Variants in RIMBP2 observed in about 807,000 individuals in gnomAD.
RIMBP2 encodes the protein RIMS binding protein 2.
A neutral mutation model predicts 118.6 loss-of-function variants in RIMBP2; 48 were observed. The ratio of observed to expected loss-of-function variants is 0.40; its 90% confidence interval spans 0.32 to 0.51. The LOEUF is 0.51. RIMBP2 is among the 20% of genes least tolerant of loss of function. The probability of loss-of-function intolerance (pLI) is 0.41; values close to 1 mark genes in which losing one functional copy is unlikely to be tolerated. For missense variants in RIMBP2, 1,551 were observed against 1,768.3 expected (o/e 0.88, Z 2.20); for synonymous variants, 762 against 742.9 (o/e 1.03, Z -0.42).
chr12:130,616,311 G>A (rs973510213), intron 2 of RIMBP2, among the ~76,000 whole-genome samples: 7 of 149,048 alleles, frequency 4.7e-5, no homozygotes, highest in Non-Finnish European at 8.9e-5. Flanking sequence ...CTCTTCCTCC[G>A]CTGTCTTGCT....
chr12:130,481,066 A>G (rs574213950), intron 4 of RIMBP2, among the ~76,000 whole-genome samples: 38 of 63,614 alleles, frequency 6.0e-4, no homozygotes, highest in African/African-American at 1.7e-3. Context: ...GAGGCGAGGG[A>G]GTCCCTGCTG....
intron 2 of RIMBP2, among the ~76,000 whole-genome samples, chr12:130,531,083 A>G (rs1331218849): frequency 6.6e-6 from 1 of 152,258 alleles, no homozygotes; most frequent in African/African-American, 2.4e-5. Flanking sequence ...TCCTTAGTTT[A>G]GATCCAAATC....
In RIMBP2 at chr12:130,528,180, G is replaced by A. The variant is rs540160147; in HGVS notation, c.-216-10263C>T. Among the ~76,000 whole-genome samples, 4 of 152,222 alleles carry A rather than the reference G, an allele frequency of 2.6e-5. No individual in the cohort carries two copies. The East Asian group carries it at 7.7e-4, about 29-fold the overall frequency. On this transcript the variant is annotated intron_variant, in intron 2 of 22. Coordinates refer to ENST00000690449, the MANE Select transcript of RIMBP2 (RefSeq NM_001393629.1). ...CTGCAGCACCATTCACAATAGCAAA[G>A]ACATGGAATCAACCCAAATGCCCAT...
chr12:130,571,654 C>A lies in RIMBP2; in HGVS notation c.-216-53737G>T, dbSNP rs1179002446. 4.6e-5 allele frequency among the ~76,000 whole-genome samples: 7 copies of A among 152,158 alleles called. 1 individual carries two copies. The highest frequency in any genetic ancestry group is 4.6e-4 in the Admixed American group (7 of 15,292). On this transcript the variant is annotated intron_variant, in intron 2 of 22. Transcript: ENST00000690449. ...AGGCTGATCTCGAACTCCACAGTAA[C>A]CTCTTAATGCTCAGACAGTTGGCAC...
chr12:130,626,568 A>ATCT (rs1281286509), intron 2 of RIMBP2, among the ~76,000 whole-genome samples: 8 of 150,096 alleles, frequency 5.3e-5, no homozygotes, highest in African/African-American at 7.4e-5. Flanking sequence ...CATCACCACC[A>ATCT]TCTTCTCCAT....
chr12:130,557,268 C>A (rs369011150), intron 2 of RIMBP2, among the ~76,000 whole-genome samples: 1 of 152,096 alleles, frequency 6.6e-6, no homozygotes, highest in African/African-American at 2.4e-5. Flanking sequence ...TGGAGCCCCC[C>A]ACAGCCTCAG....
intron 4 of RIMBP2, among the ~76,000 whole-genome samples, chr12:130,495,365 C>T (rs1243928720): frequency 6.6e-6 from 1 of 152,156 alleles, no homozygotes; most frequent in Non-Finnish European, 1.5e-5. Context: ...TCCTCTTGCC[C>T]CTGTGAGATT....
chr12:130,691,997 G>A (rs576003605), intron 1 of RIMBP2, among the ~76,000 whole-genome samples: 2 of 152,258 alleles, frequency 1.3e-5, no homozygotes, highest in South Asian at 2.1e-4. Context: ...GGGGTCTAAG[G>A]AAAACTGCCC....
At position 130,503,400 on chromosome 12, in the gene RIMBP2, G is replaced by C. The variant is rs4759485; in HGVS notation, c.-4+3248C>G. ...GACAGAGTAAGACTCCATCTAAAAA[G>C]AAAAAACAAAAAACAAAAAAAACAC... On this transcript the variant is annotated intron_variant, in intron 4 of 22. Coordinates refer to ENST00000690449, the MANE Select transcript of RIMBP2 (RefSeq NM_001393629.1). 9.3e-3 allele frequency among the ~76,000 whole-genome samples: 1,270 copies of C among 137,288 alleles called. 14 individuals are homozygous for C. Among genetic ancestry groups the C allele is most frequent in the Admixed American group, 0.038 (550 of 14,400 alleles). 90.1% of individuals were successfully genotyped at this position (137,288 alleles called of 152,430 possible). A position where few individuals can be genotyped will look rare whatever the true frequency, so the allele number is the denominator to read the frequency against.
chr12:130,557,502 C>T (rs370355719), intron 2 of RIMBP2, among the ~76,000 whole-genome samples: 4 of 152,146 alleles, frequency 2.6e-5, no homozygotes, highest in Admixed American at 2.0e-4. Flanking sequence ...ACCCCCTGCC[C>T]GGGCTCAGAA....
At chr12:130,534,373 G>A (rs759187144) in intron 2 of RIMBP2, among the ~76,000 whole-genome samples, 1 of 151,968 alleles carries the variant, frequency 6.6e-6, no homozygotes, top group African/African-American at 2.4e-5. Flanking sequence ...CAGCACTTTG[G>A]GAGGCCGAGG....
intron 2 of RIMBP2, among the ~76,000 whole-genome samples, chr12:130,572,619 G>A (rs2057769556): frequency 6.6e-6 from 1 of 151,996 alleles, no homozygotes; most frequent in Admixed American, 6.6e-5. Context: ...AGCATGATGT[G>A]CTGTTATAGA....
At chr12:130,699,872 T>C (rs189349246) in intron 1 of RIMBP2, among the ~76,000 whole-genome samples, 48 of 128,734 alleles carry the variant, frequency 3.7e-4, no homozygotes, top group African/African-American at 1.2e-3. Flanking sequence ...GCCTCTGCAC[T>C]CCAGCCTGGG....
chr12:130,584,476 T>C (rs111068606), intron 2 of RIMBP2, among the ~76,000 whole-genome samples: 88,719 of 105,878 alleles, frequency 0.84, 37,845 homozygotes, highest in South Asian at 0.89. Context: ...ATCACCTCAT[T>C]GCCATCACCA....
At chr12:130,482,735 T>A (rs527597174) in intron 4 of RIMBP2, among the ~76,000 whole-genome samples, 1 of 149,482 alleles carries the variant, frequency 6.7e-6, no homozygotes, top group African/African-American at 2.5e-5. Context: ...CTCATCCCAA[T>A]ACACCCATTG....
intron 12 of RIMBP2, among the ~76,000 whole-genome samples, chr12:130,437,595 GGAGT>G (rs955892152): frequency 2.6e-5 from 4 of 152,220 alleles, no homozygotes; most frequent in Non-Finnish European, 5.9e-5. Flanking sequence ...GCCAGAGAGG[GGAGT>G]GAGTGTCAGG....
rs751266246 is a variant in RIMBP2, at chr12:130,523,613, G to A, written c.-216-5696C>T. ...TGGCCGCTTCTCTGGGGGAGAAACT[G>A]ACAAGAGAAAGGAAAAAGCACGTTC... On this transcript the variant is annotated intron_variant, in intron 2 of 22. Transcript: ENST00000690449. This position sits in a 1 kb window ranked among gnomAD's most constrained non-coding sequence, Gnocchi z 4.4. 6.6e-6 allele frequency among the ~76,000 whole-genome samples: 1 copy of A among 152,176 alleles called. No individual in the cohort carries two copies. Among genetic ancestry groups the A allele is most frequent in the Non-Finnish European group, 1.5e-5 (1 of 68,028 alleles).
rs985056913 is a variant in RIMBP2 at position 130,442,728 on chromosome 12, T to C, written c.692-68A>G. 4.5e-5 allele frequency: 59 copies of C among 1,315,070 alleles called. No homozygotes were observed. Among genetic ancestry groups the C allele is most frequent in the Non-Finnish European group, 6.0e-5 (57 of 944,892 alleles). The allele number at this position is 1,315,070 out of a possible 1,614,324, so 81.5% of individuals were successfully genotyped here. A position where few individuals can be genotyped will look rare whatever the true frequency, so the allele number is the denominator to read the frequency against. On this transcript the variant is annotated intron_variant, in intron 10 of 22. Coordinates refer to ENST00000690449, the MANE Select transcript of RIMBP2 (RefSeq NM_001393629.1). The surrounding 1 kb of genome is among the most constrained non-coding windows in gnomAD (Gnocchi z 6.9). ...AGGGGCCTCGAGGCCCCCAGTGTAC[T>C]CCCACCTCCCCCACCAGGACCATAA...
intron 2 of RIMBP2, among the ~76,000 whole-genome samples, chr12:130,602,375 G>T (rs1012634999): frequency 6.6e-6 from 1 of 152,176 alleles, no homozygotes; most frequent in African/African-American, 2.4e-5. Context: ...ATCATAGGTG[G>T]GGCTGGCTGT....
Sources: allele counts gnomAD v4.1 joint callset (sites outside exome capture counted in the v4.1 genomes callset), GRCh38; gene constraint gnomAD v4.1.1; non-coding constraint Gnocchi (gnomAD v3.1); transcripts MANE v1.5; gene names NCBI Gene and HGNC (gene_info 2026-07-23, HGNC 2026-07-21).